The following IL1RAPL1 variants were observed in gnomAD, a reference collection of about 807,000 sequenced individuals.
The protein encoded by IL1RAPL1 is interleukin 1 receptor accessory protein like 1.
IL1RAPL1 carries 3 observed loss-of-function variants against 48.4 expected under a neutral mutation model. The ratio of observed to expected loss-of-function variants is 0.06; its 90% CI spans 0.03 to 0.16. The LOEUF (loss-of-function observed/expected upper bound fraction) is 0.16, where lower values mean the gene tolerates loss of function less well. Ranked by LOEUF, IL1RAPL1 falls within the 10% of genes least tolerant of loss-of-function variation. The pLI is 1.00. For synonymous variants in IL1RAPL1, 185 were observed against 187.7 expected (o/e 0.99, Z 0.12); for missense variants, 349 against 530.6 (o/e 0.66, Z 3.36).
intron 5 of IL1RAPL1, among the ~76,000 whole-genome samples, chrX:29,537,330 C>T (rs1250994488): frequency 9.1e-6 from 1 of 110,448 alleles, no homozygotes; most frequent in Non-Finnish European, 1.9e-5. Flanking sequence ...AGAAGCTTCA[C>T]AATTATAGCT....
chrX:29,131,943 C>T (rs192038425), intron 2 of IL1RAPL1, among the ~76,000 whole-genome samples: 76 of 111,711 alleles, frequency 6.8e-4, no homozygotes, highest in Middle Eastern at 9.3e-3. Context: ...ACAGCCCTCC[C>T]AGTATCTGTG....
In IL1RAPL1 at chrX:29,263,873, C is replaced by T. The variant is rs1931906987; in HGVS notation, c.83-19065C>T. On this transcript the variant is annotated intron_variant, in intron 2 of 10. Transcript: ENST00000378993. ...TCTCTCTCTCTCTCCCCCCCCCCCG[C>T]TCTCATAGAGCAATGTTAAACAATG... Among the ~76,000 whole-genome samples, 3 of 67,757 alleles carry T rather than the reference C, an allele frequency of 4.4e-5. No homozygotes were observed. The Admixed American group carries it at 5.0e-4, about 11-fold the overall frequency. 58.8% of individuals were successfully genotyped at this position (67,757 alleles called of 115,157 possible). A position where few individuals can be genotyped will look rare whatever the true frequency, so the allele number is the denominator to read the frequency against.
At chrX:28,821,339 C>T (rs1193475038) in intron 2 of IL1RAPL1, among the ~76,000 whole-genome samples, 1 of 110,747 alleles carries the variant, frequency 9.0e-6, no homozygotes, top group Non-Finnish European at 1.9e-5. Flanking sequence ...GGAGAATATC[C>T]ATTCAGTATA....
At chrX:29,407,304 A>G (rs1934085521) in intron 5 of IL1RAPL1, among the ~76,000 whole-genome samples, 1 of 111,443 alleles carries the variant, frequency 9.0e-6, no homozygotes, top group Non-Finnish European at 1.9e-5. Context: ...GCGTGTTTAA[A>G]AGTTGTATTA....
chrX:29,266,653 C>G (rs1368686647), intron 2 of IL1RAPL1, among the ~76,000 whole-genome samples: 1 of 111,806 alleles, frequency 8.9e-6, no homozygotes, highest in Non-Finnish European at 1.9e-5. Flanking sequence ...TCTTATCAGT[C>G]AAGAATTAAG....
intron 2 of IL1RAPL1, among the ~76,000 whole-genome samples, chrX:28,975,319 C>G (rs1451857246): frequency 6.3e-5 from 7 of 111,724 alleles, no homozygotes; most frequent in Admixed American, 2.9e-4. Context: ...ATGCTTGCCC[C>G]CTCTGTGATA....
chrX:28,788,261 A>G (rs373383634), intron 1 of IL1RAPL1, among the ~76,000 whole-genome samples: 167 of 111,033 alleles, frequency 1.5e-3, no homozygotes, highest in Middle Eastern at 9.3e-3. Context: ...CATTTTAAAC[A>G]TATCCAACTT....
intron 1 of IL1RAPL1, among the ~76,000 whole-genome samples, chrX:28,721,881 G>A (rs1227547327): frequency 9.0e-6 from 1 of 110,810 alleles, no homozygotes; most frequent in Non-Finnish European, 1.9e-5. Context: ...TTTTTGTCAG[G>A]TTTGTCAAAG....
chrX:29,863,819 C>G (rs1931639512), intron 6 of IL1RAPL1, among the ~76,000 whole-genome samples: 1 of 109,991 alleles, frequency 9.1e-6, no homozygotes, highest in Non-Finnish European at 1.9e-5. Flanking sequence ...CAGAGTCTCA[C>G]TCTGTCGCTC....
At chrX:29,028,537 C>T (rs181157022) in intron 2 of IL1RAPL1, among the ~76,000 whole-genome samples, 28 of 110,909 alleles carry the variant, frequency 2.5e-4, no homozygotes, top group African/African-American at 9.2e-4. Flanking sequence ...CCACCCGCCT[C>T]AGCCTCCCAA....
chrX:28,769,961 A>C (rs181305408), intron 1 of IL1RAPL1, among the ~76,000 whole-genome samples: 1 of 112,009 alleles, frequency 8.9e-6, no homozygotes, highest in East Asian at 2.8e-4. Context: ...ATCTTAATGT[A>C]TGAGCTATAT....
chrX:29,089,749 AATATATATATATATATATATATAT>A (rs1159198583), intron 2 of IL1RAPL1, among the ~76,000 whole-genome samples: 17 of 16,976 alleles, frequency 1.0e-3, no homozygotes, highest in East Asian at 7.4e-3. Context: ...GAGAAATATG[AATATATATATATATATATATATAT>A]ATATATATAT....
intron 2 of IL1RAPL1, among the ~76,000 whole-genome samples, chrX:28,974,260 C>T (rs1427506219): frequency 9.0e-6 from 1 of 111,530 alleles, no homozygotes; most frequent in Non-Finnish European, 1.9e-5. Context: ...AATAGTATTT[C>T]CCATATAGGT....
intron 3 of IL1RAPL1, among the ~76,000 whole-genome samples, chrX:29,304,829 G>A (rs1358097094): frequency 4.4e-5 from 5 of 112,630 alleles, no homozygotes; most frequent in Non-Finnish European, 9.4e-5. Flanking sequence ...GGAGTGCAGT[G>A]GCACGACCTC....
intron 5 of IL1RAPL1, among the ~76,000 whole-genome samples, chrX:29,656,517 G>A (rs1925686528): frequency 9.0e-6 from 1 of 111,180 alleles, no homozygotes; most frequent in Non-Finnish European, 1.9e-5. Context: ...AACGTACAAT[G>A]TTTGGTTTTC....
chrX:28,819,396 G>A (rs1017766067), intron 2 of IL1RAPL1, among the ~76,000 whole-genome samples: 3 of 110,789 alleles, frequency 2.7e-5, no homozygotes, highest in Non-Finnish European at 5.7e-5. Flanking sequence ...TTACTGAAGG[G>A]TGTTTTAAGG....
intron 1 of IL1RAPL1, among the ~76,000 whole-genome samples, chrX:28,627,774 A>G (rs760123350): frequency 8.9e-6 from 1 of 111,920 alleles, no homozygotes; most frequent in South Asian, 3.7e-4. Context: ...TCAGGTGCAC[A>G]TCTGAAAAAT....
intron 2 of IL1RAPL1, among the ~76,000 whole-genome samples, chrX:28,839,893 C>T (rs1921326212): frequency 9.1e-6 from 1 of 110,068 alleles, no homozygotes; most frequent in Non-Finnish European, 1.9e-5. Context: ...TAAAAAAAAT[C>T]AGAAAAGAAC....
intron 2 of IL1RAPL1, among the ~76,000 whole-genome samples, chrX:28,819,771 A>G (rs1023754943): frequency 1.9e-5 from 2 of 107,468 alleles, no homozygotes; most frequent in South Asian, 8.1e-4. Context: ...GCAAAATTAA[A>G]TATACTCATT....
Sources: allele counts gnomAD v4.1 joint callset (sites outside exome capture counted in the v4.1 genomes callset), GRCh38; gene constraint gnomAD v4.1.1; transcripts MANE v1.5; gene names NCBI Gene and HGNC (gene_info 2026-07-23, HGNC 2026-07-21).